The following ACACA variants were observed in gnomAD, a reference collection of about 807,000 sequenced individuals.
ACACA encodes acetyl-CoA carboxylase alpha, also known as acetyl-CoA carboxylase 1.
ACACA carries 103 observed loss-of-function variants against 296.1 expected under a neutral mutation model. The observed-to-expected ratio is 0.35, with a 90% CI of 0.30 to 0.41. ACACA has a LOEUF of 0.41. Among genes scored for constraint, ACACA ranks in the 10% least tolerant of loss-of-function variants. The pLI is 1.00. For missense variants in ACACA, 1,554 were observed against 2,989.7 expected (o/e 0.52, Z 11.20); for synonymous variants, 953 against 1,038.6 (o/e 0.92, Z 1.58).
intron 35 of ACACA, among the ~76,000 whole-genome samples, chr17:37,196,783 T>C (rs2078021162): frequency 6.6e-6 from 1 of 152,180 alleles, no homozygotes; most frequent in Admixed American, 6.5e-5. Context: ...GCTGCAGAAA[T>C]TCAAGAAGCC....
intron 26 of ACACA, 142 bp downstream of exon 26, chr17:37,226,197 C>T: frequency 2.5e-6 from 2 of 787,270 alleles, no homozygotes; most frequent in South Asian, 2.8e-5. Flanking sequence ...CACATGAAAA[C>T]ATTTGTTCTG....
intron 11 of ACACA, among the ~76,000 whole-genome samples, 198 bp from the exon 12 acceptor site, chr17:37,259,728 G>A (rs2081361778): frequency 6.6e-6 from 1 of 151,990 alleles, no homozygotes; most frequent in Non-Finnish European, 1.5e-5. Flanking sequence ...GGAGAAAAGA[G>A]CATTTTTCAC....
rs377099386 is a variant in ACACA at position 37,299,361 on chromosome 17, T to C, written c.339-14391A>G. 15 of 1,613,916 alleles carry C rather than the reference T, an allele frequency of 9.3e-6. No individual in the cohort carries two copies. The African/African-American group carries it at 1.5e-4, about 16-fold the overall frequency. On this transcript the variant is annotated intron_variant, in intron 3 of 55. Coordinates refer to ENST00000616317, the MANE Select transcript of ACACA (RefSeq NM_198834.3). ...AAGATGGGAAAAGAATGGAAGCTTT[T>C]TCTTCAGATTTCGGCCTTGTAAACA... is the stretch of plus-strand genomic sequence containing the variant.
intron 3 of ACACA, among the ~76,000 whole-genome samples, chr17:37,315,593 T>C (rs2047051252): frequency 6.6e-6 from 1 of 152,176 alleles, no homozygotes; most frequent in South Asian, 2.1e-4. Context: ...CCATGACCCC[T>C]TCCTCGTGTT....
At chr17:37,367,559 A>G (rs1022873929) in intron 1 of ACACA, 5 of 152,074 alleles carry the variant, frequency 3.3e-5, no homozygotes, top group Non-Finnish European at 7.4e-5. Flanking sequence ...TATATTATAT[A>G]TATCTATCTT....
At chr17:37,116,563 G>GCTGA (rs1036771504) in intron 50 of ACACA, among the ~76,000 whole-genome samples, 109 of 152,284 alleles carry the variant, frequency 7.2e-4, no homozygotes, top group African/African-American at 2.5e-3. Flanking sequence ...GTTTGTTAAA[G>GCTGA]CTGACATGTT....
intron 45 of ACACA, among the ~76,000 whole-genome samples, chr17:37,132,557 G>A (rs1018708761): frequency 5.3e-5 from 8 of 152,128 alleles, no homozygotes; most frequent in Non-Finnish European, 1.2e-4. Flanking sequence ...AGGGGGAAAA[G>A]GAATACAAAA....
At chr17:37,129,526 A>G in intron 46 of ACACA, 41 bp from the exon 47 acceptor site, 1 of 1,612,596 alleles carries the variant, frequency 6.2e-7, no homozygotes, top group Non-Finnish European at 8.5e-7. Context: ...TCAGTGAACG[A>G]CAGCCCTAGA....
chr17:37,263,648 G>A (rs2081615825), intron 11 of ACACA, 37 bp downstream of exon 11: 11 of 1,556,348 alleles, frequency 7.1e-6, no homozygotes, highest in African/African-American at 1.4e-5. Flanking sequence ...AATGTTCTAT[G>A]TAAGAAAACA....
In ACACA at chr17:37,274,233, T is replaced by C; in HGVS notation, c.968A>G (p.Tyr323Cys). 1.2e-6 allele frequency: 2 copies of C among 1,614,212 alleles called. No homozygotes were observed. Among genetic ancestry groups the C allele is most frequent in the Non-Finnish European group, 1.7e-6 (2 of 1,180,026 alleles). Residue 323 changes from tyrosine (Y) to cysteine (C), a missense_variant, in exon 9 of 56, where the codon TAT becomes TGT. Coordinates refer to ENST00000616317, the MANE Select transcript of ACACA (RefSeq NM_198834.3). ...CACATCTTTCACATAACCTTTTTCATATAGCTCCTGGGGAACATTTAAGAT... is the reference window on the plus strand; with the variant it reads ...CACATCTTTCACATAACCTTTTTCACATAGCTCCTGGGGAACATTTAAGAT... ...KRILNVPQEL[Y>C]EKGYVKDVDD...
At chr17:37,247,391 G>A (rs1391214761) in intron 18 of ACACA, among the ~76,000 whole-genome samples, 1 of 79,452 alleles carries the variant, frequency 1.3e-5, no homozygotes, top group Non-Finnish European at 2.2e-5. Context: ...TTTTGATACG[G>A]AGTTTTGCTC....
chr17:37,262,521 T>C (rs1231948859), intron 11 of ACACA, among the ~76,000 whole-genome samples: 3 of 152,186 alleles, frequency 2.0e-5, no homozygotes, highest in Non-Finnish European at 4.4e-5. Flanking sequence ...ATATAGCCTC[T>C]GTCACAACTA....
At chr17:37,102,118 C>T (rs2073394331) in intron 52 of ACACA, among the ~76,000 whole-genome samples, 2 of 151,744 alleles carry the variant, frequency 1.3e-5, no homozygotes, top group South Asian at 4.2e-4. Context: ...GACAACTCAA[C>T]TTTATGCCAG....
intron 10 of ACACA, among the ~76,000 whole-genome samples, chr17:37,265,217 C>G (rs2081703956): frequency 6.6e-6 from 1 of 152,124 alleles, no homozygotes; most frequent in South Asian, 2.1e-4. Context: ...AAAATAGATG[C>G]CACCCCTGGA....
chr17:37,197,083 T>A (rs2078035274), intron 35 of ACACA, among the ~76,000 whole-genome samples: 3 of 152,298 alleles, frequency 2.0e-5, no homozygotes, highest in Admixed American at 2.0e-4. Flanking sequence ...ACAGAAATAA[T>A]CTCCATGCAG....
At chr17:37,110,029 C>T (rs943468654) in intron 52 of ACACA, among the ~76,000 whole-genome samples, 1 of 150,384 alleles carries the variant, frequency 6.6e-6, no homozygotes, top group Non-Finnish European at 1.5e-5. Context: ...AGAAGAAGAC[C>T]GACTTTGACA....
chr17:37,326,368 C>T (rs1354279570), intron 3 of ACACA, among the ~76,000 whole-genome samples: 1 of 151,258 alleles, frequency 6.6e-6, no homozygotes, highest in Non-Finnish European at 1.5e-5. Flanking sequence ...CCTGTCTCTA[C>T]TAAAAACACA....
At chr17:37,257,112 T>C (rs1184105578) in intron 14 of ACACA, among the ~76,000 whole-genome samples, 3 of 152,200 alleles carry the variant, frequency 2.0e-5, no homozygotes, top group Non-Finnish European at 2.9e-5. Context: ...ACATTTATGA[T>C]ATAGCAGTTA....
intron 8 of ACACA, among the ~76,000 whole-genome samples, chr17:37,274,950 T>C (rs2146456309): frequency 1.3e-5 from 2 of 151,468 alleles, no homozygotes; most frequent in Middle Eastern, 6.8e-3. Flanking sequence ...GAGGTTTTAG[T>C]GTATGTCTGT....
Sources: allele counts gnomAD v4.1 joint callset (sites outside exome capture counted in the v4.1 genomes callset), GRCh38; gene constraint gnomAD v4.1.1; transcripts MANE v1.5; gene names NCBI Gene and HGNC (gene_info 2026-07-23, HGNC 2026-07-21).